The following PTPRG variants were observed in gnomAD, a reference collection of about 807,000 sequenced individuals.
PTPRG encodes the protein protein tyrosine phosphatase receptor type G.
PTPRG carries 102 observed loss-of-function variants against 165.3 expected under a neutral mutation model. That is an observed-to-expected ratio of 0.62 (90% CI 0.53 to 0.73). PTPRG has a LOEUF of 0.73. Among genes scored for constraint, PTPRG ranks in the 30% least tolerant of loss-of-function variants. The pLI is 0.00. For synonymous variants in PTPRG, 675 were observed against 669.5 expected, an observed-to-expected ratio of 1.01 and a Z score of -0.13; for missense variants, 1,866 against 1,861.4, an observed-to-expected ratio of 1.00 and a Z score of -0.05.
intron 4 of PTPRG, among the ~76,000 whole-genome samples, chr3:62,036,099 G>C (rs2107792377): frequency 6.6e-6 from 1 of 151,492 alleles, no homozygotes; most frequent in East Asian, 1.9e-4. Flanking sequence ...GCAAGGGGTA[G>C]ACAGATACAA....
At chr3:61,917,240 A>G (rs1011808237) in intron 2 of PTPRG, among the ~76,000 whole-genome samples, 1 of 152,210 alleles carries the variant, frequency 6.6e-6, no homozygotes, top group Admixed American at 6.5e-5. Flanking sequence ...CCTGCCCTGC[A>G]GTGGCTCACA....
intron 5 of PTPRG, among the ~76,000 whole-genome samples, chr3:62,130,821 A>T (rs1576040710): frequency 6.6e-6 from 1 of 152,218 alleles, no homozygotes; most frequent in East Asian, 1.9e-4. Flanking sequence ...ACCTTTCAAG[A>T]ATGTTTCACG....
chr3:61,920,722 G>A (rs1279828051), intron 2 of PTPRG, among the ~76,000 whole-genome samples: 1 of 152,046 alleles, frequency 6.6e-6, no homozygotes, highest in Non-Finnish European at 1.5e-5. Context: ...AGCAATTTTA[G>A]GTCCACAGCA....
rs187647139 is a variant in PTPRG at position 61,661,832 on chromosome 3, G to A, written c.86-87046G>A. Among the ~76,000 whole-genome samples, 3 of 152,188 alleles carry A rather than the reference G, an allele frequency of 2.0e-5. No homozygotes were observed. In the East Asian group the frequency reaches 5.8e-4, roughly 29 times the overall value. ...GTGTGGCAAAGAGAATAATGATTTT[G>A]ATTTACAAATACTTACCTGTCAAGA... On this transcript the variant is annotated intron_variant, in intron 1 of 29. Coordinates refer to ENST00000474889, the MANE Select transcript of PTPRG (RefSeq NM_002841.4).
intron 1 of PTPRG, among the ~76,000 whole-genome samples, chr3:61,645,088 A>C (rs1013084608): frequency 6.6e-6 from 1 of 152,334 alleles, no homozygotes; most frequent in South Asian, 2.1e-4. Flanking sequence ...TTTCCAACCC[A>C]GGGTTAAAAA....
In PTPRG at chr3:61,683,059, T is replaced by C. The variant is rs199533498; in HGVS notation, c.86-65819T>C. Among the ~76,000 whole-genome samples the C allele has an allele frequency of 7.1e-4, 108 of 152,348 alleles. No individual in the cohort carries two copies. In the East Asian group the frequency reaches 0.013, roughly 19 times the overall value. ...AGATAAATCGATTTGGTTTTAGGCC[T>C]AACAAAGCTCAAGGTGTCTTGCTGA... On this transcript the variant is annotated intron_variant, in intron 1 of 29. Transcript: ENST00000474889.
At chr3:61,853,221 G>A (rs1459025629) in intron 2 of PTPRG, among the ~76,000 whole-genome samples, 1 of 152,210 alleles carries the variant, frequency 6.6e-6, no homozygotes, top group Non-Finnish European at 1.5e-5. Context: ...TAGAGAAGGT[G>A]TGTGCGAGGT....
chr3:62,255,120 C>G lies in PTPRG; in HGVS notation c.2468-4C>G. ...AACTTTGAATATTATTTTATTCCCC[C>G]CAGATGACATGGAAGCCATTCCTGT... is the stretch of plus-strand genomic sequence containing the variant. On this transcript the variant is annotated splice_region_variant and splice_polypyrimidine_tract_variant and intron_variant, in intron 15 of 29. Transcript: ENST00000474889. This position sits in a 1 kb window ranked among gnomAD's most constrained non-coding sequence, Gnocchi z 4.0. 1.2e-6 allele frequency: 2 copies of G among 1,609,678 alleles called. No homozygotes were observed. The highest frequency in any genetic ancestry group is 1.7e-6 in the Non-Finnish European group (2 of 1,176,962).
At chr3:62,157,536 A>G (rs1704583395) in intron 7 of PTPRG, among the ~76,000 whole-genome samples, 1 of 151,854 alleles carries the variant, frequency 6.6e-6, no homozygotes, top group African/African-American at 2.4e-5. Context: ...TGTGCCAGAA[A>G]CTCTTCTAAG....
At chr3:62,013,551 T>C (rs1429417676) in intron 4 of PTPRG, among the ~76,000 whole-genome samples, 1 of 152,206 alleles carries the variant, frequency 6.6e-6, no homozygotes, top group Non-Finnish European at 1.5e-5. Context: ...GGATTTTTGC[T>C]AAACGTGTGG....
At chr3:61,760,304 G>C (rs2033791485) in intron 2 of PTPRG, among the ~76,000 whole-genome samples, 1 of 152,070 alleles carries the variant, frequency 6.6e-6, no homozygotes, top group Non-Finnish European at 1.5e-5. Flanking sequence ...GTGCTGGTCT[G>C]GTATAACCAT....
chr3:62,024,123 A>G (rs2041757228), intron 4 of PTPRG, among the ~76,000 whole-genome samples: 1 of 152,104 alleles, frequency 6.6e-6, no homozygotes, highest in Non-Finnish European at 1.5e-5. Context: ...ACTGACAACT[A>G]TGTTTATGGT....
At chr3:62,232,616 C>T (rs1413096562) in intron 14 of PTPRG, among the ~76,000 whole-genome samples, 2 of 152,186 alleles carry the variant, frequency 1.3e-5, no homozygotes, top group Admixed American at 1.3e-4. Flanking sequence ...ATTTCAGGTC[C>T]TCCCCAGAAG....
At chr3:61,915,358 C>T (rs1450354729) in intron 2 of PTPRG, among the ~76,000 whole-genome samples, 1 of 152,236 alleles carries the variant, frequency 6.6e-6, no homozygotes, top group Non-Finnish European at 1.5e-5. Context: ...GTTTCTCCCC[C>T]TATTTTCCTG....
intron 2 of PTPRG, among the ~76,000 whole-genome samples, chr3:61,892,010 A>C (rs765318633): frequency 6.6e-6 from 1 of 152,150 alleles, no homozygotes; most frequent in Non-Finnish European, 1.5e-5. Flanking sequence ...TAATAGTGCA[A>C]ATTTACTAAC....
chr3:61,744,226 A>T (rs895652787), intron 1 of PTPRG, among the ~76,000 whole-genome samples: 26 of 152,080 alleles, frequency 1.7e-4, no homozygotes, highest in African/African-American at 4.1e-4. Context: ...GTTGGTTTTT[A>T]AAAAAAATCA....
At chr3:61,612,200 A>G (rs527764819) in intron 1 of PTPRG, among the ~76,000 whole-genome samples, 3 of 152,216 alleles carry the variant, frequency 2.0e-5, no homozygotes, top group Non-Finnish European at 4.4e-5. Flanking sequence ...GCCTTGGCCT[A>G]ATCCCAAAGT....
chr3:62,131,801 C>G (rs1039131189), intron 5 of PTPRG, among the ~76,000 whole-genome samples: 1 of 152,176 alleles, frequency 6.6e-6, no homozygotes, highest in Non-Finnish European at 1.5e-5. Flanking sequence ...CGCTCACTCC[C>G]CCTGCTGTTC....
At chr3:61,876,648 T>G (rs749547680) in intron 2 of PTPRG, among the ~76,000 whole-genome samples, 2 of 152,090 alleles carry the variant, frequency 1.3e-5, no homozygotes, top group Non-Finnish European at 2.9e-5. Flanking sequence ...GTGGCTCACA[T>G]CTGTAATCCC....
Sources: allele counts gnomAD v4.1 joint callset (sites outside exome capture counted in the v4.1 genomes callset), GRCh38; gene constraint gnomAD v4.1.1; non-coding constraint Gnocchi (gnomAD v3.1); transcripts MANE v1.5; gene names NCBI Gene and HGNC (gene_info 2026-07-23, HGNC 2026-07-21).